Variants in NOTCH1 observed in about 807,000 individuals in gnomAD.
NOTCH1 encodes the protein notch receptor 1.
NOTCH1 carries 37 observed loss-of-function variants against 254.8 expected under a neutral mutation model. That is an observed-to-expected ratio of 0.15 (90% CI 0.11 to 0.19). The LOEUF is 0.19. NOTCH1 is among the 10% of genes least tolerant of loss of function. The probability of loss-of-function intolerance (pLI) is 1.00; values close to 1 mark genes in which losing one functional copy is unlikely to be tolerated. For synonymous variants in NOTCH1, 1,731 were observed against 1,618.1 expected, an observed-to-expected ratio of 1.07 and a Z score of -1.68; for missense variants, 2,972 against 3,708.6, an observed-to-expected ratio of 0.80 and a Z score of 5.16.
chr9:136,514,743 G>C, intron 12 of NOTCH1, 41 bp from the exon 13 acceptor site: 1 of 1,592,830 alleles, frequency 6.3e-7, no homozygotes, highest in Non-Finnish European at 8.6e-7. Flanking sequence ...CCAGCGCCCA[G>C]GGGGTCCCAC....
At chr9:136,507,812 T>G (rs2133345926) in intron 21 of NOTCH1, 143 bp downstream of exon 21, 1 of 889,848 alleles carries the variant, frequency 1.1e-6, no homozygotes, top group Admixed American at 2.0e-5. Context: ...CTACCCTGAT[T>G]ACCCCAGCCC....
At chr9:136,543,363 C>T in intron 2 of NOTCH1, 2 of 242,536 alleles carry the variant, frequency 8.2e-6, no homozygotes, top group South Asian at 3.7e-5. Flanking sequence ...GGAGGCATCA[C>T]CCACCCAGGA....
In NOTCH1 at chr9:136,510,825, C is replaced by G. The variant is rs371359766; in HGVS notation, c.2588-20G>C. 2.8e-5 allele frequency: 45 copies of G among 1,605,792 alleles called. No homozygotes were observed. Among genetic ancestry groups the G allele is most frequent in the Non-Finnish European group, 3.8e-5 (45 of 1,179,688 alleles). On this transcript the variant is annotated intron_variant, in intron 16 of 33. Transcript: ENST00000651671. ...TCTGCCCTGCGGGGCAGGAGGAGGCCGGTTGGTCACCAGCGGCCCCTGGCC... is the reference window on the plus strand; with the variant it reads ...TCTGCCCTGCGGGGCAGGAGGAGGCGGGTTGGTCACCAGCGGCCCCTGGCC...
Position 136,506,137 on chromosome 9 carries a change from C to T in NOTCH1, c.4015-256G>A, listed in dbSNP as rs73551307. Among the ~76,000 whole-genome samples the T allele has an allele frequency of 1.0e-2, 1,521 of 152,178 alleles. 23 individuals are homozygous for T. Among genetic ancestry groups the T allele is most frequent in the African/African-American group, 0.035 (1,432 of 41,502 alleles). ...GGACTTTAGGGCAGGGACTCTCTGC[C>T]GTGATCCTGCGAGGGTGGGCAGGCA... On this transcript the variant is annotated intron_variant, in intron 24 of 33. Coordinates refer to ENST00000651671, the MANE Select transcript of NOTCH1 (RefSeq NM_017617.5). This position sits in a 1 kb window ranked among gnomAD's most constrained non-coding sequence, Gnocchi z 4.5.
chr9:136,524,648 T>C (rs1037584399), intron 2 of NOTCH1, among the ~76,000 whole-genome samples: 11 of 147,376 alleles, frequency 7.5e-5, no homozygotes, highest in South Asian at 4.4e-4. Context: ...TCTTTTTTTT[T>C]TTTTTTTTTT....
At position 136,514,558 on chromosome 9, in the gene NOTCH1, C is replaced by T. The variant is rs2133360627; in HGVS notation, c.2159G>A (p.Cys720Tyr). 6.2e-7 allele frequency: 1 copy of T among 1,606,210 alleles called. No individual in the cohort carries two copies. Among genetic ancestry groups the T allele is most frequent in the African/African-American group, 1.3e-5 (1 of 75,014 alleles). The change falls in exon 13 of 34, where the codon TGC becomes TAC. Residue 720 changes from cysteine (C) to tyrosine (Y), a missense_variant. Transcript: ENST00000651671. The part of the protein sequence containing the change: ...DPTCLSEVNE[C>Y]NSNPCVHGAC... ...CCCGTGGACGCAGGGGTTGCTGTTG[C>T]ACTCATTGACCTCAGACAGGCAGGT... is the stretch of plus-strand genomic sequence containing the variant.
Position 136,513,204 on chromosome 9 carries a change from AGC to A in NOTCH1, c.2354-72_2354-71del. 6.8e-7 allele frequency: 1 copy of A among 1,463,338 alleles called. No homozygotes were observed. Among genetic ancestry groups the A allele is most frequent in the East Asian group, 2.3e-5 (1 of 43,986 alleles). The allele number at this position is 1,463,338 out of a possible 1,614,324, so 90.6% of individuals were successfully genotyped here. A position where few individuals can be genotyped will look rare whatever the true frequency, so the allele number is the denominator to read the frequency against. On this transcript the variant is annotated intron_variant, in intron 14 of 33. Transcript: ENST00000651671. This position sits in a 1 kb window ranked among gnomAD's most constrained non-coding sequence, Gnocchi z 4.7. ...CACCTTGGCAGGGCCCCACAACAGCAGCCCTGGGCCTGCTCCCCACCCCAGGC... is the reference window on the plus strand; with the variant it reads ...CACCTTGGCAGGGCCCCACAACAGCACCTGGGCCTGCTCCCCACCCCAGGC...
rs1131692021 is a variant in NOTCH1 at position 136,505,880 on chromosome 9, C to G, written c.4016G>C (p.Gly1339Ala). The G allele has an allele frequency of 1.3e-6, 2 of 1,587,182 alleles. No homozygotes were observed. The highest frequency in any genetic ancestry group is 1.7e-6 in the Non-Finnish European group (2 of 1,175,356). ...ATTCTCACACGTGGCGCCCTCGAAG[C>G]CCTGCCCGAGAGGGAAGACAGGACG... Reference protein sequence around the residue: ...ARGFICKCPAGFEGATCENDA... With the variant: ...ARGFICKCPAAFEGATCENDA... Residue 1339 changes from glycine (G) to alanine (A), a missense_variant and splice_region_variant, in exon 25 of 34, where the codon GGC (glycine) becomes GCC (alanine). Gly to Ala is a moderately conservative substitution (Grantham distance 60). Coordinates refer to ENST00000651671, the MANE Select transcript of NOTCH1 (RefSeq NM_017617.5).
rs763497791 is a variant in NOTCH1, at chr9:136,505,552, C to G, written c.4344G>C (p.Ala1448=). 6.2e-7 allele frequency: 1 copy of G among 1,611,560 alleles called. No homozygotes were observed. The change falls in exon 25 of 34, where the codon GCG becomes GCC. Residue 1448 remains alanine (A), a synonymous_variant. Coordinates refer to ENST00000651671, the MANE Select transcript of NOTCH1 (RefSeq NM_017617.5). ...CCTCCTGGCACTCGGGCAGCTCGCACGCCTCCTCGATCAGCGGCGGGGGGA... is the reference window on the plus strand; with the variant it reads ...CCTCCTGGCACTCGGGCAGCTCGCAGGCCTCCTCGATCAGCGGCGGGGGGA... ...RDIPPPLIEE[A]CELPECQEDA... is the part of the protein sequence containing the mutation.
Position 136,497,482 on chromosome 9 carries a change from T to C in NOTCH1, c.6257A>G (p.Asn2086Ser), listed in dbSNP as rs201058656. The C allele has an allele frequency of 3.1e-6, 5 of 1,612,262 alleles. No homozygotes were observed. The highest frequency in any genetic ancestry group is 2.5e-6 in the Non-Finnish European group (3 of 1,179,816). ...GTCCATATGATCCGTGATGTCCCGGTTGGCAAAGTGGTCCAGCAGCACCTT... is the reference window on the plus strand; with the variant it reads ...GTCCATATGATCCGTGATGTCCCGGCTGGCAAAGTGGTCCAGCAGCACCTT... ...TAKVLLDHFA[N>S]RDITDHMDRL... The change falls in exon 34 of 34, where the codon AAC becomes AGC. Residue 2086 changes from asparagine (N) to serine (S), a missense_variant. Around this residue, in one of 8 missense-constraint regions of NOTCH1, gnomAD observed 529 missense variants for 529.2 expected, o/e 1.00. Coordinates refer to ENST00000651671, the MANE Select transcript of NOTCH1 (RefSeq NM_017617.5).
intron 2 of NOTCH1, among the ~76,000 whole-genome samples, chr9:136,539,678 T>C (rs1400230191): frequency 6.6e-6 from 1 of 152,216 alleles, no homozygotes; most frequent in Non-Finnish European, 1.5e-5. Flanking sequence ...TTTCTAACCC[T>C]GGCGCCCTTG....
At chr9:136,531,434 C>T (rs922780439) in intron 2 of NOTCH1, among the ~76,000 whole-genome samples, 2 of 152,338 alleles carry the variant, frequency 1.3e-5, no homozygotes, top group Admixed American at 6.5e-5. Context: ...GAGGAAGGCG[C>T]GTGTCCCCCG....
chr9:136,514,135 G>A (rs1440531088), intron 13 of NOTCH1, among the ~76,000 whole-genome samples: 1 of 152,200 alleles, frequency 6.6e-6, no homozygotes, highest in African/African-American at 2.4e-5. Context: ...TGCCTTCTCT[G>A]CGCCAAATGA....
chr9:136,541,952 C>T (rs1843738642), intron 2 of NOTCH1, among the ~76,000 whole-genome samples: 1 of 152,168 alleles, frequency 6.6e-6, no homozygotes, highest in African/African-American at 2.4e-5. Flanking sequence ...AAGGAGGGGG[C>T]GCCAGGCCCC....
intron 28 of NOTCH1, 69 bp from the exon 29 acceptor site, chr9:136,502,157 C>CGGGCTTGGCGTGGGAGGT (rs1471827374): frequency 6.2e-7 from 1 of 1,600,272 alleles, no homozygotes; most frequent in Non-Finnish European, 8.5e-7. Flanking sequence ...ACCCCTGGCC[C>CGGGCTTGGCGTGGGAGGT]GGGCCTGGCG....
In NOTCH1 at chr9:136,513,535, T is replaced by A; in HGVS notation, c.2210A>T (p.Tyr737Phe). Residue 737 changes from tyrosine to phenylalanine, a missense_variant and splice_region_variant, in exon 14 of 34, where the codon TAC (tyrosine) becomes TTC (phenylalanine). Physicochemically the swap from Tyr to Phe is conservative, Grantham distance 22. Around this residue, in one of 8 missense-constraint regions of NOTCH1, gnomAD observed 1,343 missense variants for 1,557.0 expected, o/e 0.86. Coordinates refer to ENST00000651671, the MANE Select transcript of NOTCH1 (RefSeq NM_017617.5). This position sits in a 1 kb window ranked among gnomAD's most constrained non-coding sequence, Gnocchi z 4.7. Reference sequence around the variant, plus strand: ...CCACCCAGGGTCACAGTCGCACTTGTACCTGCAAGGGGGACCACACTGCAG... The same window carrying A: ...CCACCCAGGGTCACAGTCGCACTTGAACCTGCAAGGGGGACCACACTGCAG... Reference protein sequence around the residue: ...HGACRDSLNGYKCDCDPGWSG... With the variant: ...HGACRDSLNGFKCDCDPGWSG... The A allele has an allele frequency of 6.2e-7, 1 of 1,612,960 alleles. No homozygotes were observed. Among genetic ancestry groups the A allele is most frequent in the East Asian group, 2.2e-5 (1 of 44,888 alleles).
At chr9:136,507,474 GC>G in intron 21 of NOTCH1, 37 bp from the exon 22 acceptor site, 1 of 1,572,382 alleles carries the variant, frequency 6.4e-7, no homozygotes, top group Non-Finnish European at 8.6e-7. Context: ...CTTCGGCTCA[GC>G]CGGCGCCAGG....
chr9:136,512,051 A>G (rs1165298488), intron 15 of NOTCH1, among the ~76,000 whole-genome samples: 1 of 152,202 alleles, frequency 6.6e-6, no homozygotes, highest in Non-Finnish European at 1.5e-5. Flanking sequence ...TGACCCGGGC[A>G]GGCAGGAACT....
rs762865034 is a variant in NOTCH1 at position 136,499,016 on chromosome 9, G to T, written c.6083-20C>A. ...ACTTGCCTGCGTGAAAGAAGCAGAT[G>T]GGGTAGGTTGGAGACCAGCTGGAGG... On this transcript the variant is annotated intron_variant, in intron 32 of 33. Transcript: ENST00000651671. 6.2e-7 allele frequency: 1 copy of T among 1,613,014 alleles called. No individual in the cohort carries two copies. Among genetic ancestry groups the T allele is most frequent in the African/African-American group, 1.3e-5 (1 of 75,082 alleles).
Sources: allele counts gnomAD v4.1 joint callset (sites outside exome capture counted in the v4.1 genomes callset), GRCh38; gene constraint gnomAD v4.1.1; regional missense constraint gnomAD v4.1.1; non-coding constraint Gnocchi (gnomAD v3.1); transcripts MANE v1.5; gene names NCBI Gene and HGNC (gene_info 2026-07-23, HGNC 2026-07-21).